The following SLC39A9 variants were observed in gnomAD, a reference collection of about 807,000 sequenced individuals.
SLC39A9 encodes solute carrier family 39 member 9, also known as zinc transporter ZIP9.
Under a neutral mutation model 28.4 loss-of-function variants are expected in SLC39A9, and 14 were observed. The ratio of observed to expected loss-of-function variants is 0.49; its 90% CI spans 0.33 to 0.77. The LOEUF (loss-of-function observed/expected upper bound fraction) is 0.77, where lower values mean the gene tolerates loss of function less well. Among genes scored for constraint, SLC39A9 ranks in the 30% least tolerant of loss-of-function variants. The probability of loss-of-function intolerance (pLI) is 0.02; values close to 1 mark genes in which losing one functional copy is unlikely to be tolerated. For synonymous variants in SLC39A9, 119 were observed against 149.6 expected, an observed-to-expected ratio of 0.80 and a Z score of 1.49; for missense variants, 283 against 381.1, an observed-to-expected ratio of 0.74 and a Z score of 2.14.
intron 3 of SLC39A9, among the ~76,000 whole-genome samples, chr14:69,444,571 A>G (rs1320349111): frequency 6.6e-6 from 1 of 152,238 alleles, no homozygotes; most frequent in Non-Finnish European, 1.5e-5. Context: ...GCAAAATGGT[A>G]CAATGCCCAT....
At chr14:69,412,927 G>A (rs1376007428) in intron 1 of SLC39A9, among the ~76,000 whole-genome samples, 1 of 152,160 alleles carries the variant, frequency 6.6e-6, no homozygotes, top group Non-Finnish European at 1.5e-5. Context: ...GATTCATTCA[G>A]ATTTACCTTG....
At position 69,458,470 on chromosome 14, in the gene SLC39A9, C is replaced by T. The variant is rs1344852215; in HGVS notation, c.801C>T (p.Gly267=). The change falls in exon 7 of 7, where the codon GGC becomes GGT. Residue 267 remains glycine (G), a synonymous_variant. Coordinates refer to ENST00000336643, the MANE Select transcript of SLC39A9 (RefSeq NM_018375.5). Reference sequence around the variant, plus strand: ...CAGTACATGTCCTCCCTGAGGTGGGCGGAATAGGGCACAGCCACAAGCCCG... The same window carrying T: ...CAGTACATGTCCTCCCTGAGGTGGGTGGAATAGGGCACAGCCACAAGCCCG... ...VATVHVLPEV[G]GIGHSHKPDA... The T allele has an allele frequency of 4.3e-6, 7 of 1,614,222 alleles. No individual in the cohort carries two copies. The highest frequency in any genetic ancestry group is 2.2e-5 in the East Asian group (1 of 44,890).
Position 69,399,333 on chromosome 14 carries a change from G to A in SLC39A9, c.-37G>A. 1 of 1,581,680 alleles carries A rather than the reference G, an allele frequency of 6.3e-7. No homozygotes were observed. Among genetic ancestry groups the A allele is most frequent in the Admixed American group, 1.7e-5 (1 of 59,370 alleles). On this transcript the variant is annotated 5_prime_UTR_variant, in exon 1 of 7. Transcript: ENST00000336643. ...CACCATTTAAAGCCACTGGAAATTT[G>A]TTGTCTAGTGGTTGTGGGTGAATAA...
chr14:69,457,193 C>T (rs1182044254), intron 6 of SLC39A9, among the ~76,000 whole-genome samples: 2 of 151,928 alleles, frequency 1.3e-5, no homozygotes, highest in East Asian at 1.9e-4. Context: ...TACACACACA[C>T]ACACACACAC....
rs1236239610 is a variant in SLC39A9, at chr14:69,459,265, A to G, written c.*672A>G. On this transcript the variant is annotated 3_prime_UTR_variant, in exon 7 of 7. Transcript: ENST00000336643. ...CGTGCCTCTCTGAATCCAGCCTGCC[A>G]TTCCATCAAATGGAGCAGGAGAGGT... 1.0e-5 allele frequency: 10 copies of G among 985,458 alleles called. No individual in the cohort carries two copies. The highest frequency in any genetic ancestry group is 6.1e-5 in the Admixed American group (1 of 16,288). 61.0% of individuals were successfully genotyped at this position (985,458 alleles called of 1,614,324 possible).
rs922341024 is a variant in SLC39A9, at chr14:69,460,192, G to A, written c.*1599G>A. On this transcript the variant is annotated 3_prime_UTR_variant, in exon 7 of 7. Transcript: ENST00000336643. ...GACTAGTTTCTTCAGGGCAGTGGAC[G>A]TAGTAGTTTGTAAAAACGTTTTCTA... The A allele has an allele frequency of 1.1e-5, 11 of 985,682 alleles. No homozygotes were observed. In the African/African-American group the frequency reaches 1.2e-4, roughly 11 times the overall value. The allele number at this position is 985,682 out of a possible 1,614,324, so 61.1% of individuals were successfully genotyped here.
At chr14:69,448,605 G>A (rs1206291870) in intron 3 of SLC39A9, among the ~76,000 whole-genome samples, 2 of 152,196 alleles carry the variant, frequency 1.3e-5, no homozygotes, top group African/African-American at 2.4e-5. Context: ...AAGTCAAAGC[G>A]AGAGGAAATG....
rs187098200 is a variant in SLC39A9, at chr14:69,456,245, G to T, written c.693+379G>T. Among the ~76,000 whole-genome samples the T allele has an allele frequency of 1.8e-3, 277 of 152,302 alleles. 1 individual carries two copies. The highest frequency in any genetic ancestry group is 6.5e-3 in the African/African-American group (270 of 41,566). On this transcript the variant is annotated intron_variant, in intron 6 of 6. Transcript: ENST00000336643. ...AGCGTGAGTAACAAGCCACATAGCC[G>T]CTTTGAGAAGAGCAGCAGCTGGGCA...
intron 1 of SLC39A9, among the ~76,000 whole-genome samples, chr14:69,407,501 C>G (rs954424598): frequency 6.6e-6 from 1 of 151,928 alleles, no homozygotes; most frequent in African/African-American, 2.4e-5. Flanking sequence ...CCACGCCCCA[C>G]TAATTTTGTA....
At chr14:69,424,239 T>G in intron 2 of SLC39A9, 37 bp downstream of exon 2, 1 of 1,481,858 alleles carries the variant, frequency 6.7e-7, no homozygotes, top group Non-Finnish European at 9.4e-7. Context: ...GATATGTTAT[T>G]GACTTGGAGG....
At chr14:69,412,022 C>T (rs1211508368) in intron 1 of SLC39A9, among the ~76,000 whole-genome samples, 1 of 151,786 alleles carries the variant, frequency 6.6e-6, no homozygotes, top group Admixed American at 6.6e-5. Flanking sequence ...ACCTCGTGAT[C>T]CGCCTGCCTC....
At chr14:69,455,522 G>T (rs915041712) in intron 5 of SLC39A9, among the ~76,000 whole-genome samples, 1 of 152,094 alleles carries the variant, frequency 6.6e-6, no homozygotes, top group African/African-American at 2.4e-5. Flanking sequence ...GTTTCACCAT[G>T]TTGGCCAGGC....
intron 3 of SLC39A9, among the ~76,000 whole-genome samples, chr14:69,444,755 G>C (rs145924233): frequency 6.6e-6 from 1 of 152,272 alleles, no homozygotes; most frequent in East Asian, 1.9e-4. Context: ...ATGGAGATTG[G>C]CTGAATGAAC....
At chr14:69,406,135 G>A (rs7160049) in intron 1 of SLC39A9, among the ~76,000 whole-genome samples, 1 of 152,088 alleles carries the variant, frequency 6.6e-6, no homozygotes, top group Non-Finnish European at 1.5e-5. Context: ...CCCCAAATTA[G>A]GAACATCTTT....
chr14:69,410,145 C>T (rs1883187800), intron 1 of SLC39A9, among the ~76,000 whole-genome samples: 1 of 151,924 alleles, frequency 6.6e-6, no homozygotes, highest in South Asian at 2.1e-4. Flanking sequence ...GAATTTTATG[C>T]AAAAAGAAAA....
chr14:69,461,632 T>G lies in SLC39A9; in HGVS notation c.*3039T>G. On this transcript the variant is annotated 3_prime_UTR_variant, in exon 7 of 7. Transcript: ENST00000336643. Reference sequence around the variant, plus strand: ...CTTTCTTTGCAGAAAGGAGAAAATGTGATTGTGTTTTTTTTTTACCAGCCT... The same window carrying G: ...CTTTCTTTGCAGAAAGGAGAAAATGGGATTGTGTTTTTTTTTTACCAGCCT... 1 of 1,530,386 alleles carries G rather than the reference T, an allele frequency of 6.5e-7. No homozygotes were observed. The allele number at this position is 1,530,386 out of a possible 1,614,324, so 94.8% of individuals were successfully genotyped here. A position where few individuals can be genotyped will look rare whatever the true frequency, so the allele number is the denominator to read the frequency against.
Position 69,442,175 on chromosome 14 carries a change from G to C in SLC39A9, c.312G>C (p.Leu104=). 2 of 1,614,206 alleles carry C rather than the reference G, an allele frequency of 1.2e-6. No individual in the cohort carries two copies. Among genetic ancestry groups the C allele is most frequent in the Non-Finnish European group, 1.7e-6 (2 of 1,180,040 alleles). The part of the protein sequence containing the change: ...EHEHSHDHTQ[L]HAYIGVSLVL... ...AGCACAGCCACGACCACACACAGCT[G>C]CATGCCTATATTGGTGTTTCCCTCG... Residue 104 remains leucine, a synonymous_variant, in exon 3 of 7, where the codon CTG becomes CTC. Coordinates refer to ENST00000336643, the MANE Select transcript of SLC39A9 (RefSeq NM_018375.5).
chr14:69,436,208 A>G (rs1884743727), intron 2 of SLC39A9, among the ~76,000 whole-genome samples: 1 of 151,990 alleles, frequency 6.6e-6, no homozygotes. Flanking sequence ...GTTCCAGACC[A>G]GCCTGGGCAA....
At chr14:69,443,172 A>C (rs1387781779) in intron 3 of SLC39A9, among the ~76,000 whole-genome samples, 1 of 152,246 alleles carries the variant, frequency 6.6e-6, no homozygotes, top group African/African-American at 2.4e-5. Flanking sequence ...TGATAGAAAT[A>C]AATTTGAGAG....
Sources: allele counts gnomAD v4.1 joint callset (sites outside exome capture counted in the v4.1 genomes callset), GRCh38; gene constraint gnomAD v4.1.1; transcripts MANE v1.5; gene names NCBI Gene and HGNC (gene_info 2026-07-23, HGNC 2026-07-21).